The following ADAM9 variants were observed in gnomAD, a reference collection of about 807,000 sequenced individuals.
The protein encoded by ADAM9 is disintegrin and metalloproteinase domain-containing protein 9.
A neutral mutation model predicts 108.1 loss-of-function variants in ADAM9; 54 were observed. That is an observed-to-expected ratio of 0.50 (90% CI 0.40 to 0.63). The LOEUF is 0.63. Ranked by LOEUF, ADAM9 falls within the 20% of genes least tolerant of loss-of-function variation. The pLI is 0.00. For missense variants in ADAM9, 830 were observed against 997.7 expected, an observed-to-expected ratio of 0.83 and a Z score of 2.26; for synonymous variants, 316 against 336.0, an observed-to-expected ratio of 0.94 and a Z score of 0.65.
At chr8:39,039,398 T>G (rs1771606221) in intron 11 of ADAM9, among the ~76,000 whole-genome samples, 1 of 152,242 alleles carries the variant, frequency 6.6e-6, no homozygotes, top group Non-Finnish European at 1.5e-5. Context: ...TGCCCATTTT[T>G]TGTGTGTGTG....
chr8:39,007,470 G>C (rs1272452000), intron 1 of ADAM9, among the ~76,000 whole-genome samples: 2 of 152,198 alleles, frequency 1.3e-5, no homozygotes, highest in Non-Finnish European at 2.9e-5. Context: ...GTGAGGGGGA[G>C]GAATGGGAGA....
At chr8:39,064,823 G>A in intron 14 of ADAM9, among the ~76,000 whole-genome samples, 1 of 152,170 alleles carries the variant, frequency 6.6e-6, no homozygotes, top group Non-Finnish European at 1.5e-5. Flanking sequence ...GATTGATGGG[G>A]ATGGAAATCA....
chr8:39,009,932 G>GAGAAAAAA (rs57357339), intron 2 of ADAM9, among the ~76,000 whole-genome samples: 6 of 14,644 alleles, frequency 4.1e-4, no homozygotes, highest in Admixed American at 1.1e-3. Context: ...GAGAGAGAGA[G>GAGAAAAAA]ACAAAAACAA....
chr8:39,032,181 A>C (rs1201683707), intron 11 of ADAM9, among the ~76,000 whole-genome samples: 3 of 152,220 alleles, frequency 2.0e-5, no homozygotes. Context: ...ACACTGTGCT[A>C]GGAGAACCAC....
At chr8:39,026,883 C>T (rs946271405) in intron 11 of ADAM9, 73 bp downstream of exon 11, 5 of 1,570,574 alleles carry the variant, frequency 3.2e-6, no homozygotes, top group Non-Finnish European at 4.4e-6. Flanking sequence ...GAGGGATATT[C>T]ATGTCTACAT....
At chr8:39,081,846 G>T in intron 16 of ADAM9, among the ~76,000 whole-genome samples, 1 of 152,120 alleles carries the variant, frequency 6.6e-6, no homozygotes, top group East Asian at 1.9e-4. Flanking sequence ...TTTTAAAATA[G>T]CACTCAACAG....
chr8:39,036,118 A>T (rs1041802085), intron 11 of ADAM9, among the ~76,000 whole-genome samples: 2 of 152,086 alleles, frequency 1.3e-5, no homozygotes, highest in Non-Finnish European at 2.9e-5. Flanking sequence ...ATTTAATAAA[A>T]TGGATAATCT....
At chr8:39,045,715 C>T (rs1055246703) in intron 12 of ADAM9, among the ~76,000 whole-genome samples, 53 of 152,006 alleles carry the variant, frequency 3.5e-4, no homozygotes, top group Non-Finnish European at 5.9e-5. Context: ...ATTTATTTTC[C>T]TCTGGGTAGA....
At chr8:39,024,270 C>G (rs1481744144) in intron 9 of ADAM9, among the ~76,000 whole-genome samples, 2 of 152,092 alleles carry the variant, frequency 1.3e-5, no homozygotes, top group Non-Finnish European at 2.9e-5. Context: ...TTAGTAAAAT[C>G]GTACGCTCAC....
intron 14 of ADAM9, among the ~76,000 whole-genome samples, chr8:39,058,714 T>C (rs1209638969): frequency 6.6e-6 from 1 of 152,176 alleles, no homozygotes; most frequent in African/African-American, 2.4e-5. Context: ...AGTAGAATCA[T>C]TATTGTGGCT....
At position 39,026,124 on chromosome 8, in the gene ADAM9, A is replaced by C. The variant is rs758985994; in HGVS notation, c.996+240A>C. On this transcript the variant is annotated intron_variant, in intron 10 of 21. Transcript: ENST00000487273. ...TATTTTACTTTAAGTTCTGGGACAC[A>C]TGTGCAGAATGTCCAGGTTTGTTAC... Among the ~76,000 whole-genome samples the C allele has an allele frequency of 2.8e-4, 42 of 152,150 alleles. 1 individual carries two copies. Among genetic ancestry groups the C allele is most frequent in the Non-Finnish European group, 5.7e-4 (39 of 68,032 alleles).
At chr8:39,003,334 A>G (rs1436438458) in intron 1 of ADAM9, among the ~76,000 whole-genome samples, 1 of 152,174 alleles carries the variant, frequency 6.6e-6, no homozygotes, top group Non-Finnish European at 1.5e-5. Flanking sequence ...TAGTGGGTGG[A>G]GGCCAGGGAT....
rs760367229 is a variant in ADAM9, at chr8:39,077,274, C to A, written c.1744C>A (p.Pro582Thr). 1.1e-5 allele frequency: 17 copies of A among 1,613,956 alleles called. No individual in the cohort carries two copies. In the South Asian group the frequency reaches 1.9e-4, roughly 18 times the overall value. ...TCAGTGTGAGAATGTACAAGAGATA[C>A]CTGTATTTGGAATTGTGCCTGCTAT... is the stretch of plus-strand genomic sequence containing the variant. ...KLQCENVQEIPVFGIVPAIIQ... is the reference protein window; with the variant it reads ...KLQCENVQEITVFGIVPAIIQ... The change falls in exon 16 of 22, where the codon CCT becomes ACT. Residue 582 changes from proline to threonine, a missense_variant. Transcript: ENST00000487273.
At chr8:39,026,606 A>G in intron 10 of ADAM9, 71 bp from the exon 11 acceptor site, 1 of 1,606,292 alleles carries the variant, frequency 6.2e-7, no homozygotes. Context: ...CTTTTGTGAA[A>G]AAATAATCTG....
chr8:39,016,296 T>C (rs1836525178), intron 5 of ADAM9, 102 bp downstream of exon 5: 1 of 1,062,090 alleles, frequency 9.4e-7, no homozygotes, highest in Non-Finnish European at 1.5e-6. Context: ...CTTAGCAAAA[T>C]TGGAATTTAC....
At chr8:39,045,383 TAG>T (rs1837694681) in intron 12 of ADAM9, among the ~76,000 whole-genome samples, 2 of 139,312 alleles carry the variant, frequency 1.4e-5, no homozygotes, top group Non-Finnish European at 3.1e-5. Flanking sequence ...CATACACCTA[TAG>T]GTGTGTGTAC....
Position 39,082,624 on chromosome 8 carries a change from A to ATTT in ADAM9, c.1882-6_1882-4dup. ...TGCTCAATCTTTCTTTACTTAGTTC[A>ATTT]TTTTTTTTTTTTTCAGATCTGTAGA... is the stretch of plus-strand genomic sequence containing the variant. On this transcript the variant is annotated splice_polypyrimidine_tract_variant and intron_variant, in intron 16 of 21. Transcript: ENST00000487273. 6.5e-6 allele frequency: 8 copies of ATTT among 1,223,086 alleles called. No individual in the cohort carries two copies. Among genetic ancestry groups the ATTT allele is most frequent in the Admixed American group, 2.1e-5 (1 of 48,030 alleles). The allele number at this position is 1,223,086 out of a possible 1,614,324, so 75.8% of individuals were successfully genotyped here.
At chr8:39,069,091 G>T (rs908402258) in intron 14 of ADAM9, among the ~76,000 whole-genome samples, 2 of 152,040 alleles carry the variant, frequency 1.3e-5, no homozygotes, top group Non-Finnish European at 2.9e-5. Flanking sequence ...GGAATTCTAC[G>T]GTGTAAAAAG....
chr8:39,048,334 GTTGT>G (rs1319606668), intron 12 of ADAM9, among the ~76,000 whole-genome samples: 1 of 152,136 alleles, frequency 6.6e-6, no homozygotes, highest in Non-Finnish European at 1.5e-5. Context: ...TCCACAGTGT[GTTGT>G]TTAATTTCCA....
Sources: allele counts gnomAD v4.1 joint callset (sites outside exome capture counted in the v4.1 genomes callset), GRCh38; gene constraint gnomAD v4.1.1; transcripts MANE v1.5; gene names NCBI Gene and HGNC (gene_info 2026-07-23, HGNC 2026-07-21).